The following PTK2B variants were observed in gnomAD, a reference collection of about 807,000 sequenced individuals.
PTK2B encodes protein tyrosine kinase 2 beta.
Under a neutral mutation model 142.9 loss-of-function variants are expected in PTK2B, and 71 were observed. The ratio of observed to expected loss-of-function variants is 0.50; its 90% CI spans 0.41 to 0.61. The LOEUF is 0.61. Among genes scored for constraint, PTK2B ranks in the 20% least tolerant of loss-of-function variants. PTK2B has a pLI of 0.00. For synonymous variants in PTK2B, 519 were observed against 503.4 expected, an observed-to-expected ratio of 1.03 and a Z score of -0.42; for missense variants, 1,105 against 1,320.4, an observed-to-expected ratio of 0.84 and a Z score of 2.53.
At chr8:27,450,037 GAAATTTTGTTCC>G in intron 24 of PTK2B, among the ~76,000 whole-genome samples, 1 of 152,284 alleles carries the variant, frequency 6.6e-6, no homozygotes, top group Admixed American at 6.5e-5. Flanking sequence ...TGTATTTCAT[GAAATTTTGTTCC>G]TTATTTTATC....
rs878948751 is a variant in PTK2B at position 27,431,139 on chromosome 8, C to T, written c.810+123C>T. On this transcript the variant is annotated intron_variant, in intron 8 of 30. Coordinates refer to ENST00000346049, the MANE Select transcript of PTK2B (RefSeq NM_173176.3). ...GATTCTCACTCAGGCAGCAGGACCT[C>T]GCTGACCTGCCGTCGGTGGAAGTCA... 8 of 1,497,402 alleles carry T rather than the reference C, an allele frequency of 5.3e-6. No individual in the cohort carries two copies. The South Asian group carries it at 6.5e-5, about 12-fold the overall frequency. The allele number at this position is 1,497,402 out of a possible 1,614,324, so 92.8% of individuals were successfully genotyped here. A position where few individuals can be genotyped will look rare whatever the true frequency, so the allele number is the denominator to read the frequency against.
At chr8:27,421,663 A>G (rs1184907119) in intron 4 of PTK2B, among the ~76,000 whole-genome samples, 6 of 152,212 alleles carry the variant, frequency 3.9e-5, no homozygotes, top group African/African-American at 4.8e-5. Context: ...GCCAATTTCT[A>G]TGGTGTAAAT....
intron 30 of PTK2B, among the ~76,000 whole-genome samples, chr8:27,457,208 T>A (rs1326220433): frequency 6.6e-6 from 1 of 152,250 alleles, no homozygotes. Context: ...AAGGACAGGC[T>A]GACTCTCTTG....
rs185936584 is a variant in PTK2B at position 27,372,155 on chromosome 8, G to A, written c.-37-25393G>A. ...TATAAATGTGGTCAGTGAGCCAGAA[G>A]AGGAGTTTCATTTGATAAAATCTTC... On this transcript the variant is annotated intron_variant, in intron 1 of 30. Coordinates refer to ENST00000346049, the MANE Select transcript of PTK2B (RefSeq NM_173176.3). Among the ~76,000 whole-genome samples the A allele has an allele frequency of 4.6e-5, 7 of 152,368 alleles. No individual in the cohort carries two copies. The East Asian group carries it at 1.3e-3, about 29-fold the overall frequency.
At chr8:27,331,022 C>A (rs1488742269) in intron 1 of PTK2B, among the ~76,000 whole-genome samples, 1 of 152,232 alleles carries the variant, frequency 6.6e-6, no homozygotes, top group Admixed American at 6.5e-5. Flanking sequence ...CATCTTCCCC[C>A]TCTCCAGTTC....
At chr8:27,360,251 A>G (rs1477365741) in intron 1 of PTK2B, among the ~76,000 whole-genome samples, 1 of 152,238 alleles carries the variant, frequency 6.6e-6, no homozygotes. Flanking sequence ...GGTGACGCAT[A>G]AAGAGACACA....
chr8:27,381,111 A>C (rs981582529), intron 1 of PTK2B, among the ~76,000 whole-genome samples: 1 of 152,234 alleles, frequency 6.6e-6, no homozygotes, highest in Admixed American at 6.5e-5. Flanking sequence ...TGATATTTGA[A>C]TACATGTATA....
At chr8:27,323,678 C>T (rs1042740454), upstream of PTK2B, among the ~76,000 whole-genome samples, 4 of 152,042 alleles carry the variant, frequency 2.6e-5, no homozygotes, top group Non-Finnish European at 5.9e-5. Context: ...GACCTTGTCA[C>T]CTGAGTTGCT....
chr8:27,390,480 A>G (rs953583476), intron 1 of PTK2B, among the ~76,000 whole-genome samples: 2 of 152,050 alleles, frequency 1.3e-5, no homozygotes, highest in African/African-American at 2.4e-5. Context: ...ATACAAAATA[A>G]AAATAAAAAA....
At chr8:27,391,276 T>C (rs540843818) in intron 1 of PTK2B, among the ~76,000 whole-genome samples, 26 of 152,090 alleles carry the variant, frequency 1.7e-4, no homozygotes, top group African/African-American at 6.0e-4. Flanking sequence ...TTTGTATTTT[T>C]AGTAGAGAAG....
intron 3 of PTK2B, 73 bp downstream of exon 3, chr8:27,420,146 C>T: frequency 6.5e-7 from 1 of 1,549,068 alleles, no homozygotes; most frequent in Non-Finnish European, 8.8e-7. Flanking sequence ...GGGAGTTTCT[C>T]CCTTAGAGCA....
At chr8:27,393,010 G>C (rs1383674449) in intron 1 of PTK2B, among the ~76,000 whole-genome samples, 1 of 152,180 alleles carries the variant, frequency 6.6e-6, no homozygotes, top group African/African-American at 2.4e-5. Context: ...TTTATCTTTC[G>C]TGGAGTTTGT....
In PTK2B at chr8:27,335,218, C is replaced by T. The variant is rs140897673; in HGVS notation, c.-38+9537C>T. Among the ~76,000 whole-genome samples the T allele has an allele frequency of 5.2e-3, 798 of 152,308 alleles. 6 individuals are homozygous for T. The highest frequency in any genetic ancestry group is 8.5e-3 in the Non-Finnish European group (581 of 68,024). On this transcript the variant is annotated intron_variant, in intron 1 of 30. Coordinates refer to ENST00000346049, the MANE Select transcript of PTK2B (RefSeq NM_173176.3). ...AGCTCGAGATTTGCAAACACTTGTT[C>T]GACAATCACCTCGTTTATCTGCATT... is the stretch of plus-strand genomic sequence containing the variant.
At chr8:27,376,489 G>A (rs1806676972) in intron 1 of PTK2B, among the ~76,000 whole-genome samples, 2 of 152,188 alleles carry the variant, frequency 1.3e-5, no homozygotes, top group South Asian at 4.1e-4. Context: ...TCTTAAACAG[G>A]AGCTAGGTAA....
intron 1 of PTK2B, among the ~76,000 whole-genome samples, chr8:27,361,180 T>A (rs572340369): frequency 1.3e-5 from 2 of 152,320 alleles, no homozygotes; most frequent in East Asian, 3.9e-4. Context: ...GTACAAATTA[T>A]TTAGCTCCAG....
intron 1 of PTK2B, among the ~76,000 whole-genome samples, chr8:27,343,447 G>A (rs7015863): frequency 0.82 from 124,606 of 152,120 alleles, 51,734 homozygotes; most frequent in African/African-American, 0.88. Context: ...AGGCAGATGG[G>A]GTCCCCTAAC....
At chr8:27,430,283 C>G (rs1052710941) in intron 6 of PTK2B, 81 bp from the exon 7 acceptor site, 1 of 1,599,684 alleles carries the variant, frequency 6.3e-7, no homozygotes, top group African/African-American at 1.3e-5. Context: ...CCAAAGCCCT[C>G]TCACCTCTTC....
intron 1 of PTK2B, among the ~76,000 whole-genome samples, chr8:27,373,772 T>C (rs1480510908): frequency 1.3e-5 from 2 of 152,074 alleles, no homozygotes; most frequent in Non-Finnish European, 2.9e-5. Context: ...CAGGCATCTT[T>C]TCAGGGCAGG....
At chr8:27,423,426 C>T (rs183475937) in intron 5 of PTK2B, among the ~76,000 whole-genome samples, 7 of 152,230 alleles carry the variant, frequency 4.6e-5, no homozygotes, top group East Asian at 1.9e-4. Context: ...AAACTGGAGA[C>T]GTCCTGGCCC....
Sources: gnomAD v4.1 joint callset for allele counts (sites outside exome capture counted in the v4.1 genomes callset) on GRCh38, gnomAD v4.1.1 for gene constraint, MANE v1.5 for transcripts, NCBI Gene and HGNC (gene_info 2026-07-23, HGNC 2026-07-21) for gene names.